The following SENP1 variants were observed in gnomAD, a reference collection of about 807,000 sequenced individuals.
The protein encoded by SENP1 is SUMO specific peptidase 1.
SENP1 carries 21 observed loss-of-function variants against 93.0 expected under a neutral mutation model. That is an observed-to-expected ratio of 0.23 (90% CI 0.16 to 0.33). The LOEUF (loss-of-function observed/expected upper bound fraction) is 0.33. Among genes scored for constraint, SENP1 ranks in the 10% least tolerant of loss-of-function variants. The pLI is 1.00. For missense variants in SENP1, 591 were observed against 758.7 expected (o/e 0.78, Z 2.60); for synonymous variants, 256 against 259.6 (o/e 0.99, Z 0.13).
chr12:48,102,476 A>C (rs1010253817), intron 1 of SENP1, among the ~76,000 whole-genome samples: 1 of 151,084 alleles, frequency 6.6e-6, no homozygotes, highest in African/African-American at 2.4e-5. Context: ...AACACAACCA[A>C]ACTGCTTGGA....
intron 9 of SENP1, among the ~76,000 whole-genome samples, chr12:48,071,314 A>G (rs1943675511): frequency 2.0e-5 from 3 of 152,088 alleles, no homozygotes; most frequent in African/African-American, 7.2e-5. Context: ...GGAAAACAAT[A>G]TGTTAAGAAG....
In SENP1 at chr12:48,048,094, A is replaced by C. The variant is rs756625039; in HGVS notation, c.1612-14T>G. 20 of 1,547,736 alleles carry C rather than the reference A, an allele frequency of 1.3e-5. No homozygotes were observed. The highest frequency in any genetic ancestry group is 3.4e-4 in the Middle Eastern group (2 of 5,922). ...AAAGTCCACAACCTGAGAATAAGAA[A>C]AAAAGTCTCTGTGTTTATGAGATGA... On this transcript the variant is annotated splice_polypyrimidine_tract_variant and intron_variant, in intron 14 of 17. Coordinates refer to ENST00000549518, the MANE Select transcript of SENP1 (RefSeq NM_001267594.2).
chr12:48,099,707 A>G (rs1241073334), intron 2 of SENP1, among the ~76,000 whole-genome samples: 1 of 152,090 alleles, frequency 6.6e-6, no homozygotes, highest in African/African-American at 2.4e-5. Flanking sequence ...AGCTACTTGG[A>G]GGCTGAAGCA....
In SENP1 at chr12:48,081,567, T is replaced by C. The variant is rs570587685; in HGVS notation, c.552+2024A>G. ...CCCTCCACTTGAATGTTGGTGTTTT[T>C]TCGTTTTTTTTTTTTTTTTTTGAGA... is the stretch of plus-strand genomic sequence containing the variant. On this transcript the variant is annotated intron_variant, in intron 6 of 17. Coordinates refer to ENST00000549518, the MANE Select transcript of SENP1 (RefSeq NM_001267594.2). The C allele has an allele frequency of 3.7e-5, 5 of 134,436 alleles. No individual in the cohort carries two copies. The East Asian group carries it at 1.1e-3, about 29-fold the overall frequency. 8.3% of individuals were successfully genotyped at this position (134,436 alleles called of 1,614,324 possible). A position where few individuals can be genotyped will look rare whatever the true frequency, so the allele number is the denominator to read the frequency against.
intron 13 of SENP1, among the ~76,000 whole-genome samples, chr12:48,051,433 C>A (rs1485146906): frequency 2.0e-5 from 3 of 152,160 alleles, no homozygotes; most frequent in Middle Eastern, 3.2e-3. Flanking sequence ...TCCCCTAGAT[C>A]CCAGTAGAAG....
At chr12:48,078,216 T>G (rs947434888) in intron 6 of SENP1, among the ~76,000 whole-genome samples, 2 of 150,742 alleles carry the variant, frequency 1.3e-5, no homozygotes, top group African/African-American at 4.9e-5. Context: ...TAGTTCATTG[T>G]TAACAGTGCA....
intron 1 of SENP1, 41 bp from the exon 2 acceptor site, chr12:48,101,557 A>C: frequency 9.6e-7 from 1 of 1,040,610 alleles, no homozygotes; most frequent in Admixed American, 2.1e-5. Context: ...ACATACTGAA[A>C]CACCTACTTC....
At chr12:48,064,617 T>C (rs974612606) in intron 12 of SENP1, among the ~76,000 whole-genome samples, 2 of 152,220 alleles carry the variant, frequency 1.3e-5, no homozygotes, top group Admixed American at 1.3e-4. Flanking sequence ...GATTGGTATA[T>C]AAAATAAGCG....
At chr12:48,056,911 C>G in intron 13 of SENP1, among the ~76,000 whole-genome samples, 1 of 46,278 alleles carries the variant, frequency 2.2e-5, no homozygotes, top group Non-Finnish European at 3.1e-5. Context: ...TTACATATTA[C>G]ATATATAATA....
intron 4 of SENP1, among the ~76,000 whole-genome samples, chr12:48,095,177 C>A (rs1945474154): frequency 6.6e-6 from 1 of 152,074 alleles, no homozygotes; most frequent in Non-Finnish European, 1.5e-5. Flanking sequence ...GACAAAGAAT[C>A]CTAAGGAAGC....
At chr12:48,077,428 AT>A (rs1490855924) in intron 6 of SENP1, among the ~76,000 whole-genome samples, 4 of 152,062 alleles carry the variant, frequency 2.6e-5, no homozygotes, top group South Asian at 4.2e-4. Flanking sequence ...TTTTTAGTTG[AT>A]TTTTGCATAT....
chr12:48,045,925 G>A (rs867399152), intron 17 of SENP1, among the ~76,000 whole-genome samples: 4 of 152,238 alleles, frequency 2.6e-5, no homozygotes, highest in African/African-American at 9.6e-5. Flanking sequence ...CTCTCTAAGA[G>A]AAGACTGACC....
Position 48,066,949 on chromosome 12 carries a change from C to A in SENP1, c.1012G>T (p.Ala338Ser). ...TPTPSSTFFQ[A>S]ELWIKELTSV... is the part of the protein sequence containing the mutation. ...TACAATTCTTTGATCCACAGCTCTG[C>A]CTGGAAGAAAGTAGAACTATGGGTA... The change falls in exon 10 of 18, where the codon GCA becomes TCA. Residue 338 changes from alanine to serine, a missense_variant. Transcript: ENST00000549518. 6.4e-7 allele frequency: 1 copy of A among 1,563,124 alleles called. No individual in the cohort carries two copies. Among genetic ancestry groups the A allele is most frequent in the Non-Finnish European group, 8.7e-7 (1 of 1,152,258 alleles).
chr12:48,053,318 AAACC>A lies in SENP1; in HGVS notation c.1408-4190_1408-4187del, dbSNP rs1291119091. On this transcript the variant is annotated intron_variant, in intron 13 of 17. Coordinates refer to ENST00000549518, the MANE Select transcript of SENP1 (RefSeq NM_001267594.2). ...GTGAGACTTTCTCTCTAAAAACTAA[AAACC>A]AACAAAAAAGCCAGGCATGGTGGCA... is the stretch of plus-strand genomic sequence containing the variant. 8.6e-5 allele frequency among the ~76,000 whole-genome samples: 13 copies of A among 151,952 alleles called. No homozygotes were observed. The South Asian group carries it at 2.7e-3, about 32-fold the overall frequency.
intron 10 of SENP1, among the ~76,000 whole-genome samples, chr12:48,066,158 C>A (rs1427655681): frequency 6.6e-6 from 1 of 151,534 alleles, no homozygotes; most frequent in Non-Finnish European, 1.5e-5. Context: ...GGGATTGAAC[C>A]CTAAAGGAGA....
At chr12:48,061,561 C>T (rs1302110898) in intron 13 of SENP1, among the ~76,000 whole-genome samples, 1 of 152,126 alleles carries the variant, frequency 6.6e-6, no homozygotes. Flanking sequence ...GCATATGCCA[C>T]CATGGCTGGC....
At chr12:48,046,883 C>T (rs771506483) in intron 16 of SENP1, 95 bp downstream of exon 16, 14 of 782,108 alleles carry the variant, frequency 1.8e-5, no homozygotes, top group East Asian at 5.1e-5. Flanking sequence ...AGGCTAGACA[C>T]GAACACAGGT....
chr12:48,087,351 A>G (rs1314364344), intron 5 of SENP1, among the ~76,000 whole-genome samples: 3 of 152,154 alleles, frequency 2.0e-5, no homozygotes, highest in African/African-American at 4.8e-5. Flanking sequence ...TCTTAACTAT[A>G]TTTTCTAAAC....
rs1943196725 is a variant in SENP1, at chr12:48,064,977, A to G, written c.1275+88T>C. 1.6e-5 allele frequency: 15 copies of G among 966,526 alleles called. No homozygotes were observed. The South Asian group carries it at 2.2e-4, about 14-fold the overall frequency. 59.9% of individuals were successfully genotyped at this position (966,526 alleles called of 1,614,324 possible). On this transcript the variant is annotated intron_variant, in intron 12 of 17. Transcript: ENST00000549518. ...CAGGCGTGAGCCACCGTGCCTGACC[A>G]CTATTGCTTTTATGTTTGAAACTCA...
Sources: allele counts gnomAD v4.1 joint callset (sites outside exome capture counted in the v4.1 genomes callset), GRCh38; gene constraint gnomAD v4.1.1; transcripts MANE v1.5; gene names NCBI Gene and HGNC (gene_info 2026-07-23, HGNC 2026-07-21).